DIP2C: variants seen among roughly 807,000 people sequenced by gnomAD.
DIP2C encodes disco-interacting protein 2 homolog C.
A neutral mutation model predicts 192.4 loss-of-function variants in DIP2C; 33 were observed. The observed-to-expected ratio is 0.17, with a 90% confidence interval of 0.13 to 0.23. The LOEUF (loss-of-function observed/expected upper bound fraction) is 0.23, where lower values mean the gene tolerates loss of function less well. DIP2C is among the 10% of genes least tolerant of loss of function. The pLI, the probability that DIP2C is intolerant of heterozygous loss-of-function variation, is 1.00. For synonymous variants in DIP2C, 979 were observed against 864.1 expected, an observed-to-expected ratio of 1.13 and a Z score of -2.33; for missense variants, 1,537 against 2,110.1, an observed-to-expected ratio of 0.73 and a Z score of 5.32.
intron 1 of DIP2C, among the ~76,000 whole-genome samples, chr10:624,626 C>T (rs1475427474): frequency 6.6e-6 from 1 of 152,204 alleles, no homozygotes; most frequent in Non-Finnish European, 1.5e-5. Flanking sequence ...CCAGGGCGGG[C>T]TCCAAAGTCC....
intron 32 of DIP2C, among the ~76,000 whole-genome samples, chr10:305,836 G>A (rs1298136173): frequency 6.6e-6 from 1 of 151,974 alleles, no homozygotes; most frequent in Non-Finnish European, 1.5e-5. Flanking sequence ...TGTAGAGATG[G>A]AGTCTCGCTA....
At chr10:495,953 G>A (rs1431370322) in intron 1 of DIP2C, among the ~76,000 whole-genome samples, 1 of 149,258 alleles carries the variant, frequency 6.7e-6, no homozygotes. Context: ...GCCTTCCCGT[G>A]TACTTAAAAT....
intron 1 of DIP2C, among the ~76,000 whole-genome samples, chr10:554,956 G>A (rs962974891): frequency 2.0e-5 from 3 of 152,260 alleles, no homozygotes; most frequent in South Asian, 2.1e-4. Flanking sequence ...CAGAGACAGA[G>A]TCTGGGCTTC....
intron 1 of DIP2C, among the ~76,000 whole-genome samples, chr10:489,256 A>G (rs182139667): frequency 3.9e-5 from 6 of 152,362 alleles, no homozygotes; most frequent in Admixed American, 2.0e-4. Context: ...TTCCCATGAT[A>G]GACTCGCTGC....
intron 22 of DIP2C, among the ~76,000 whole-genome samples, chr10:360,719 G>A (rs1291748033): frequency 6.6e-6 from 1 of 152,226 alleles, no homozygotes; most frequent in Non-Finnish European, 1.5e-5. Context: ...CAGCTCAGCT[G>A]CTGAGTTAAA....
At chr10:498,505 G>A (rs1845012735) in intron 1 of DIP2C, among the ~76,000 whole-genome samples, 1 of 152,212 alleles carries the variant, frequency 6.6e-6, no homozygotes, top group African/African-American at 2.4e-5. Flanking sequence ...AGGACGTGTA[G>A]AACACAGCGC....
chr10:602,772 G>T (rs952569321), intron 1 of DIP2C, among the ~76,000 whole-genome samples: 1 of 152,206 alleles, frequency 6.6e-6, no homozygotes, highest in African/African-American at 2.4e-5. Context: ...GAATGGAAAC[G>T]GGGTTCACAA....
intron 1 of DIP2C, among the ~76,000 whole-genome samples, chr10:621,018 T>G (rs1853814257): frequency 6.6e-6 from 1 of 152,220 alleles, no homozygotes; most frequent in African/African-American, 2.4e-5. Context: ...AGTTGGCTGG[T>G]TCTGACGTTT....
chr10:324,018 C>T lies in DIP2C; in HGVS notation c.3924+2988G>A, dbSNP rs143461401. Among the ~76,000 whole-genome samples the T allele has an allele frequency of 1.5e-4, 23 of 152,266 alleles. No individual in the cohort carries two copies. The East Asian group carries it at 3.3e-3, about 22-fold the overall frequency. On this transcript the variant is annotated intron_variant, in intron 31 of 36. Transcript: ENST00000280886. ...TAGCCTCTGCACTTACGGCTGCCTT[C>T]GCTGGACTCTCGCCCGCACGACTCC...
At chr10:294,006 A>G (rs1792186955) in intron 32 of DIP2C, among the ~76,000 whole-genome samples, 1 of 152,256 alleles carries the variant, frequency 6.6e-6, no homozygotes, top group Non-Finnish European at 1.5e-5. Flanking sequence ...ACCGCATTGC[A>G]CAAATGAAGT....
chr10:349,147 G>A (rs375891009), intron 25 of DIP2C, among the ~76,000 whole-genome samples, 184 bp downstream of exon 25: 13 of 152,306 alleles, frequency 8.5e-5, no homozygotes, highest in South Asian at 4.2e-4. Context: ...TAGCACATGC[G>A]GCTGGTGCCT....
At chr10:659,287 G>A (rs1465248132) in intron 1 of DIP2C, among the ~76,000 whole-genome samples, 1 of 152,076 alleles carries the variant, frequency 6.6e-6, no homozygotes, top group Non-Finnish European at 1.5e-5. Context: ...AAATACACAT[G>A]CACACATATA....
At chr10:600,874 T>C (rs565428298) in intron 1 of DIP2C, among the ~76,000 whole-genome samples, 1 of 151,498 alleles carries the variant, frequency 6.6e-6, no homozygotes, top group South Asian at 2.1e-4. Flanking sequence ...AAGCTTTTTC[T>C]GTAACAAAGT....
chr10:492,942 T>C lies in DIP2C; in HGVS notation c.86-6412A>G, dbSNP rs553102995. Among the ~76,000 whole-genome samples, 24 of 152,326 alleles carry C rather than the reference T, an allele frequency of 1.6e-4. No homozygotes were observed. In the East Asian group the frequency reaches 4.4e-3, roughly 28 times the overall value. Reference sequence around the variant, plus strand: ...AGCTTCTGATGTTAAAAGAGAATAATGTAGTATTAACAGTCCCTGAAGGGC... The same window carrying C: ...AGCTTCTGATGTTAAAAGAGAATAACGTAGTATTAACAGTCCCTGAAGGGC... On this transcript the variant is annotated intron_variant, in intron 1 of 36. Coordinates refer to ENST00000280886, the MANE Select transcript of DIP2C (RefSeq NM_014974.3).
At chr10:456,409 CTGTGAGGAGTAAATGAGATGAAAA>C (rs1272295008) in intron 3 of DIP2C, among the ~76,000 whole-genome samples, 8 of 125,854 alleles carry the variant, frequency 6.4e-5, no homozygotes, top group South Asian at 4.6e-4. Context: ...TGAGGGGAGG[CTGTGAGGAGTAAATGAGATGAAAA>C]CACTCTGCAG....
chr10:491,749 T>TA (rs941871477), intron 1 of DIP2C, among the ~76,000 whole-genome samples: 17 of 152,196 alleles, frequency 1.1e-4, no homozygotes, highest in South Asian at 2.1e-4. Context: ...AGAAAATCTT[T>TA]AAAAAAAGTT....
chr10:677,807 A>G (rs1830925315), intron 1 of DIP2C, among the ~76,000 whole-genome samples: 1 of 152,182 alleles, frequency 6.6e-6, no homozygotes, highest in Admixed American at 6.5e-5. Flanking sequence ...GAGGGTGGAG[A>G]CCCAGACTCA....
intron 31 of DIP2C, among the ~76,000 whole-genome samples, chr10:313,735 A>T (rs1355564297): frequency 6.6e-6 from 1 of 152,230 alleles, no homozygotes; most frequent in African/African-American, 2.4e-5. Context: ...ACCAAAAAAT[A>T]ACTTTCTTAC....
intron 31 of DIP2C, chr10:324,897 T>G (rs1479771086): frequency 1.9e-6 from 1 of 529,730 alleles, no homozygotes; most frequent in Non-Finnish European, 3.9e-6. Context: ...TTTTCTTTCA[T>G]CTCCATGTTT....
Sources: allele counts gnomAD v4.1 joint callset (sites outside exome capture counted in the v4.1 genomes callset), GRCh38; gene constraint gnomAD v4.1.1; transcripts MANE v1.5; gene names NCBI Gene and HGNC (gene_info 2026-07-23, HGNC 2026-07-21).